SORCS2: variants seen among roughly 807,000 people sequenced by gnomAD.
SORCS2 encodes sortilin related VPS10 domain containing receptor 2, also known as VPS10 domain-containing receptor SorCS2.
Under a neutral mutation model 141.6 loss-of-function variants are expected in SORCS2, and 100 were observed. The observed-to-expected ratio is 0.71, with a 90% CI of 0.60 to 0.83. The LOEUF (loss-of-function observed/expected upper bound fraction) is 0.83, where lower values mean the gene tolerates loss of function less well. Among genes scored for constraint, SORCS2 ranks in the 40% least tolerant of loss-of-function variants. The probability of loss-of-function intolerance (pLI) is 0.00; values close to 1 mark genes in which losing one functional copy is unlikely to be tolerated. For synonymous variants in SORCS2, 789 were observed against 676.9 expected (o/e 1.17, Z -2.57); for missense variants, 1,646 against 1,560.2 (o/e 1.05, Z -0.93).
At chr4:7,244,303 C>T (rs1028305244) in intron 1 of SORCS2, among the ~76,000 whole-genome samples, 2 of 152,354 alleles carry the variant, frequency 1.3e-5, no homozygotes, top group Non-Finnish European at 2.9e-5. Flanking sequence ...GCACTCCCCC[C>T]GAGTGGTTAT....
chr4:7,477,260 T>C (rs892181946), intron 2 of SORCS2, among the ~76,000 whole-genome samples: 6 of 61,276 alleles, frequency 9.8e-5, no homozygotes, highest in African/African-American at 2.3e-4. Flanking sequence ...CTTCTGGCTA[T>C]GGGGACAGCT....
chr4:7,480,004 T>C (rs903831318), intron 2 of SORCS2, among the ~76,000 whole-genome samples: 8 of 152,200 alleles, frequency 5.3e-5, no homozygotes, highest in Non-Finnish European at 1.0e-4. Context: ...AAGCTCAGGG[T>C]CTGCTTAGGC....
intron 1 of SORCS2, among the ~76,000 whole-genome samples, chr4:7,232,515 C>T (rs1711965386): frequency 6.6e-6 from 1 of 152,196 alleles, no homozygotes; most frequent in Non-Finnish European, 1.5e-5. Flanking sequence ...CTCTACAGCC[C>T]CCTGGGGTTC....
intron 3 of SORCS2, among the ~76,000 whole-genome samples, chr4:7,593,066 T>A (rs1052159295): frequency 4.6e-5 from 7 of 152,142 alleles, no homozygotes; most frequent in African/African-American, 1.4e-4. Context: ...AGGCTTTTGC[T>A]TGGGGTCTCA....
chr4:7,452,877 C>CGTGATGGGGTCAGGCGCT (rs1560296711), intron 2 of SORCS2, among the ~76,000 whole-genome samples: 15 of 99,034 alleles, frequency 1.5e-4, no homozygotes, highest in African/African-American at 6.1e-4. Context: ...GGTCAGGTGC[C>CGTGATGGGGTCAGGCGCT]GTGTTGGGGT....
Position 7,726,815 on chromosome 4 carries a change from G to A in SORCS2, c.2781G>A (p.Arg927=), listed in dbSNP as rs1727250015. 6 of 1,613,696 alleles carry A rather than the reference G, an allele frequency of 3.7e-6. No homozygotes were observed. The highest frequency in any genetic ancestry group is 2.7e-5 in the African/African-American group (2 of 74,904). The part of the protein sequence containing the change: ...LLSLDNSVTT[R]FSDTGDVRVT... ...CCCTGGATAATTCTGTGACAACGCG[G>A]TTTTCGGACACGGGCGACGTGCGTG... Residue 927 remains arginine, a synonymous_variant, in exon 21 of 27, where the codon CGG becomes CGA. Transcript: ENST00000507866.
intron 1 of SORCS2, among the ~76,000 whole-genome samples, chr4:7,283,334 C>T (rs1716009298): frequency 6.6e-6 from 1 of 152,196 alleles, no homozygotes; most frequent in Non-Finnish European, 1.5e-5. Flanking sequence ...TGAATGTAGG[C>T]AGTTCTTTCC....
intron 3 of SORCS2, among the ~76,000 whole-genome samples, chr4:7,558,515 G>A (rs544262087): frequency 9.8e-5 from 15 of 152,312 alleles, no homozygotes; most frequent in African/African-American, 3.4e-4. Context: ...GAAGAACCTG[G>A]CTTGGGTCAT....
chr4:7,642,819 T>C (rs1013402178), intron 4 of SORCS2, among the ~76,000 whole-genome samples: 1 of 152,198 alleles, frequency 6.6e-6, no homozygotes, highest in Non-Finnish European at 1.5e-5. Flanking sequence ...ACGACTCTTA[T>C]GCTGAGAGCA....
chr4:7,230,999 T>TATAACC (rs1711834779), intron 1 of SORCS2, among the ~76,000 whole-genome samples: 1 of 151,320 alleles, frequency 6.6e-6, no homozygotes, highest in South Asian at 2.1e-4. Flanking sequence ...TATCTGTATC[T>TATAACC]ATATCCATAT....
chr4:7,409,353 G>A (rs1725162795), intron 2 of SORCS2, among the ~76,000 whole-genome samples: 8 of 152,178 alleles, frequency 5.3e-5, no homozygotes. Flanking sequence ...GTAGTGTGGG[G>A]ATGGCAGCCA....
chr4:7,659,115 T>A (rs758561621), intron 5 of SORCS2, among the ~76,000 whole-genome samples: 1 of 152,134 alleles, frequency 6.6e-6, no homozygotes, highest in Non-Finnish European at 1.5e-5. Flanking sequence ...CAGGGAGTCT[T>A]GCTTTGCAGA....
At chr4:7,218,987 A>G (rs1728537397) in intron 1 of SORCS2, among the ~76,000 whole-genome samples, 1 of 138,438 alleles carries the variant, frequency 7.2e-6, no homozygotes. Context: ...TAGCTTCTGG[A>G]ATATGCTAGG....
intron 3 of SORCS2, among the ~76,000 whole-genome samples, chr4:7,609,248 T>A (rs904308644): frequency 2.0e-5 from 3 of 152,220 alleles, no homozygotes; most frequent in African/African-American, 7.2e-5. Flanking sequence ...AATCCTTGCC[T>A]TGCAGAACTT....
chr4:7,628,245 A>T (rs1190943489), intron 3 of SORCS2, among the ~76,000 whole-genome samples: 1 of 152,132 alleles, frequency 6.6e-6, no homozygotes, highest in Non-Finnish European at 1.5e-5. Context: ...AAGTTCGGCC[A>T]GGCGCGGTGG....
intron 2 of SORCS2, among the ~76,000 whole-genome samples, chr4:7,509,558 G>A (rs746491005): frequency 6.6e-6 from 1 of 152,206 alleles, no homozygotes; most frequent in Non-Finnish European, 1.5e-5. Flanking sequence ...TGCGGTCGAC[G>A]CTGGGGCCTC....
chr4:7,542,106 G>T (rs1321206743), intron 3 of SORCS2, among the ~76,000 whole-genome samples: 1 of 152,226 alleles, frequency 6.6e-6, no homozygotes, highest in African/African-American at 2.4e-5. Flanking sequence ...GCCTGCTTCA[G>T]CCAAACCAAA....
At chr4:7,302,944 G>A (rs1717540721) in intron 1 of SORCS2, among the ~76,000 whole-genome samples, 1 of 152,158 alleles carries the variant, frequency 6.6e-6, no homozygotes, top group Non-Finnish European at 1.5e-5. Context: ...AGGTTTGTGT[G>A]CCCCTAGCTG....
intron 1 of SORCS2, among the ~76,000 whole-genome samples, chr4:7,280,740 C>T (rs1715822071): frequency 2.0e-5 from 3 of 152,190 alleles, no homozygotes; most frequent in Admixed American, 1.3e-4. Flanking sequence ...CCTCAGTTTC[C>T]CCTTTTGTAA....
Sources: allele counts gnomAD v4.1 joint callset (sites outside exome capture counted in the v4.1 genomes callset), GRCh38; gene constraint gnomAD v4.1.1; transcripts MANE v1.5; gene names NCBI Gene and HGNC (gene_info 2026-07-23, HGNC 2026-07-21).